GABRB1: variants seen among roughly 807,000 people sequenced by gnomAD.
The protein encoded by GABRB1 is gamma-aminobutyric acid type A receptor subunit beta1.
GABRB1 carries 17 observed loss-of-function variants against 51.6 expected under a neutral mutation model. That is an observed-to-expected ratio of 0.33 (90% CI 0.23 to 0.49). The LOEUF (loss-of-function observed/expected upper bound fraction) is 0.49. Ranked by LOEUF, GABRB1 falls within the 20% of genes least tolerant of loss-of-function variation. The probability of loss-of-function intolerance (pLI) is 0.99; values close to 1 mark genes in which losing one functional copy is unlikely to be tolerated. For synonymous variants in GABRB1, 247 were observed against 218.9 expected (o/e 1.13, Z -1.14); for missense variants, 410 against 600.6 (o/e 0.68, Z 3.32).
chr4:47,089,474 T>C (rs1728210718), intron 3 of GABRB1, among the ~76,000 whole-genome samples: 1 of 152,212 alleles, frequency 6.6e-6, no homozygotes, highest in Admixed American at 6.5e-5. Flanking sequence ...CTACTTTATA[T>C]GCATCACAGA....
intron 4 of GABRB1, among the ~76,000 whole-genome samples, chr4:47,237,104 A>T (rs1243626720): frequency 6.6e-6 from 1 of 152,034 alleles, no homozygotes; most frequent in Non-Finnish European, 1.5e-5. Context: ...TTTATATAAT[A>T]GCAATACATA....
intron 4 of GABRB1, among the ~76,000 whole-genome samples, chr4:47,260,147 C>G (rs1722371492): frequency 6.6e-6 from 1 of 152,166 alleles, no homozygotes; most frequent in Non-Finnish European, 1.5e-5. Context: ...AGGATTGCAA[C>G]CCCTACCTTT....
chr4:47,383,103 C>A (rs1727650739), intron 5 of GABRB1, among the ~76,000 whole-genome samples: 1 of 152,088 alleles, frequency 6.6e-6, no homozygotes, highest in African/African-American at 2.4e-5. Flanking sequence ...ACATGGATTT[C>A]AAAAGCCAAG....
rs566773851 is a variant in GABRB1 at position 47,104,146 on chromosome 4, G to T, written c.241-57103G>T. On this transcript the variant is annotated intron_variant, in intron 3 of 8. Transcript: ENST00000295454. ...GAAAAAGGGTTTTCTCAAGATTTTT[G>T]AGATATATTTTCACTGAATATAGAA... Among the ~76,000 whole-genome samples the T allele has an allele frequency of 2.6e-5, 4 of 151,650 alleles. No individual in the cohort carries two copies. In the South Asian group the frequency reaches 8.3e-4, roughly 32 times the overall value.
intron 4 of GABRB1, among the ~76,000 whole-genome samples, chr4:47,227,517 G>A (rs967543090): frequency 6.6e-6 from 1 of 152,144 alleles, no homozygotes; most frequent in Admixed American, 6.6e-5. Context: ...TAGAGAATCT[G>A]AACTGCGGTG....
intron 4 of GABRB1, among the ~76,000 whole-genome samples, chr4:47,202,812 A>G (rs1237707603): frequency 6.6e-6 from 1 of 152,148 alleles, no homozygotes; most frequent in Non-Finnish European, 1.5e-5. Flanking sequence ...TACTCTATCA[A>G]TGCCACTTCT....
intron 4 of GABRB1, among the ~76,000 whole-genome samples, chr4:47,212,738 C>A (rs1055238071): frequency 6.6e-6 from 1 of 152,110 alleles, no homozygotes; most frequent in African/African-American, 2.4e-5. Flanking sequence ...CTACATTTAA[C>A]TTTTAATTAT....
chr4:47,234,717 C>A (rs769810489), intron 4 of GABRB1, among the ~76,000 whole-genome samples: 4 of 152,168 alleles, frequency 2.6e-5, no homozygotes, highest in Non-Finnish European at 5.9e-5. Flanking sequence ...TCTCCCTTCA[C>A]TCTATCAATG....
At chr4:47,316,956 T>A (rs1724916021) in intron 4 of GABRB1, among the ~76,000 whole-genome samples, 1 of 151,998 alleles carries the variant, frequency 6.6e-6, no homozygotes, top group South Asian at 2.1e-4. Context: ...TTAAAATGGA[T>A]CAACATTAGA....
chr4:47,173,074 A>T lies in GABRB1; in HGVS notation c.461+11605A>T, dbSNP rs1718512546. 2.0e-5 allele frequency among the ~76,000 whole-genome samples: 3 copies of T among 152,310 alleles called. No homozygotes were observed. In the South Asian group the frequency reaches 6.2e-4, roughly 32 times the overall value. ...TAGTGGTAACCATTTCAAGATAGTA[A>T]CAATAACAAAAATTCATGTAAATTC... On this transcript the variant is annotated intron_variant, in intron 4 of 8. Coordinates refer to ENST00000295454, the MANE Select transcript of GABRB1 (RefSeq NM_000812.4).
intron 5 of GABRB1, among the ~76,000 whole-genome samples, chr4:47,349,849 G>T (rs1046540034): frequency 6.6e-6 from 1 of 152,142 alleles, no homozygotes; most frequent in African/African-American, 2.4e-5. Context: ...TTAATTCTTA[G>T]ACCCTAGGCA....
chr4:47,082,042 G>T (rs1332092129), intron 3 of GABRB1, among the ~76,000 whole-genome samples: 1 of 151,888 alleles, frequency 6.6e-6, no homozygotes, highest in Non-Finnish European at 1.5e-5. Context: ...AATGTATAAA[G>T]TTATACAAAT....
At chr4:47,424,739 A>G (rs1729211439) in intron 8 of GABRB1, among the ~76,000 whole-genome samples, 1 of 152,200 alleles carries the variant, frequency 6.6e-6, no homozygotes, top group Non-Finnish European at 1.5e-5. Context: ...TGTCCCTTCC[A>G]GGTAAATCAG....
chr4:47,298,432 T>C (rs1361193926), intron 4 of GABRB1, among the ~76,000 whole-genome samples: 1 of 152,170 alleles, frequency 6.6e-6, no homozygotes, highest in Non-Finnish European at 1.5e-5. Flanking sequence ...CAAGCATTCT[T>C]ATACACCAAT....
At chr4:47,006,335 A>T (rs979629320) in intron 1 of GABRB1, among the ~76,000 whole-genome samples, 1 of 152,080 alleles carries the variant, frequency 6.6e-6, no homozygotes, top group Admixed American at 6.5e-5. Flanking sequence ...TACTATACAT[A>T]TATAATACAT....
intron 8 of GABRB1, among the ~76,000 whole-genome samples, chr4:47,410,844 C>CT (rs1728738995): frequency 6.6e-6 from 1 of 152,084 alleles, no homozygotes; most frequent in Admixed American, 6.5e-5. Flanking sequence ...AGGCTTATAC[C>CT]TTAAGGGTAA....
chr4:47,223,714 G>C (rs1720849537), intron 4 of GABRB1, among the ~76,000 whole-genome samples: 1 of 152,074 alleles, frequency 6.6e-6, no homozygotes, highest in Non-Finnish European at 1.5e-5. Context: ...TGGGGTTCTA[G>C]ACCCACAAGA....
rs1328540176 is a variant in GABRB1, at chr4:47,092,161, C to CTTTTT, written c.240+59680_240+59681insTTTTT. ...TTTCTTTTTCTTTCTTTCTTTCTTT[C>CTTTTT]TTTCTTTTTTTTTTTTTTTTTTTTT... On this transcript the variant is annotated intron_variant, in intron 3 of 8. Coordinates refer to ENST00000295454, the MANE Select transcript of GABRB1 (RefSeq NM_000812.4). Among the ~76,000 whole-genome samples the CTTTTT allele has an allele frequency of 2.5e-3, 172 of 68,198 alleles. 3 individuals are homozygous for CTTTTT. The highest frequency in any genetic ancestry group is 6.4e-3 in the African/African-American group (102 of 15,958). 44.7% of individuals were successfully genotyped at this position (68,198 alleles called of 152,430 possible).
intron 3 of GABRB1, among the ~76,000 whole-genome samples, chr4:47,123,705 A>AATATGAT (rs1274349585): frequency 6.1e-5 from 1 of 16,370 alleles, no homozygotes; most frequent in South Asian, 2.3e-3. Flanking sequence ...TTATATATAT[A>AATATGAT]ATATGATATA....
Sources: gnomAD v4.1 joint callset for allele counts (sites outside exome capture counted in the v4.1 genomes callset) on GRCh38, gnomAD v4.1.1 for gene constraint, MANE v1.5 for transcripts, NCBI Gene and HGNC (gene_info 2026-07-23, HGNC 2026-07-21) for gene names.